FHOD3: variants seen among roughly 807,000 people sequenced by gnomAD.
FHOD3 encodes formin homology 2 domain containing 3, also known as FH1/FH2 domain-containing protein 3.
FHOD3 carries 90 observed loss-of-function variants against 173.0 expected under a neutral mutation model. The observed-to-expected ratio is 0.52, with a 90% CI of 0.44 to 0.62. The LOEUF (loss-of-function observed/expected upper bound fraction) is 0.62, where lower values mean the gene tolerates loss of function less well. Among genes scored for constraint, FHOD3 ranks in the 20% least tolerant of loss-of-function variants. The probability of loss-of-function intolerance (pLI) is 0.00; values close to 1 mark genes in which losing one functional copy is unlikely to be tolerated. For synonymous variants in FHOD3, 828 were observed against 823.0 expected (o/e 1.01, Z -0.10); for missense variants, 1,945 against 2,034.7 (o/e 0.96, Z 0.85).
At chr18:36,730,857 T>A in intron 20 of FHOD3, 53 bp downstream of exon 20, 1 of 1,544,980 alleles carries the variant, frequency 6.5e-7, no homozygotes, top group South Asian at 1.2e-5. Flanking sequence ...ACTGCATGTA[T>A]AATATGCTGC....
chr18:36,486,367 T>C (rs2054191826), intron 3 of FHOD3, among the ~76,000 whole-genome samples: 1 of 152,236 alleles, frequency 6.6e-6, no homozygotes, highest in African/African-American at 2.4e-5. Flanking sequence ...AGGATGTTCT[T>C]GTTTTTGTTT....
intron 3 of FHOD3, among the ~76,000 whole-genome samples, chr18:36,435,446 A>G (rs559447624): frequency 9.2e-5 from 14 of 152,292 alleles, no homozygotes; most frequent in African/African-American, 3.1e-4. Context: ...ACTATTTCAT[A>G]TATCAGCATT....
At chr18:36,761,355 A>T (rs186662157) in intron 27 of FHOD3, among the ~76,000 whole-genome samples, 2 of 152,234 alleles carry the variant, frequency 1.3e-5, no homozygotes, top group East Asian at 3.9e-4. Context: ...ATTAGAAGGG[A>T]TTAAGATGCA....
intron 5 of FHOD3, among the ~76,000 whole-genome samples, chr18:36,573,429 AC>A (rs1250762946): frequency 6.7e-5 from 9 of 133,812 alleles, no homozygotes; most frequent in Non-Finnish European, 1.3e-4. Context: ...GCAGAAGGAG[AC>A]CCTATCTCTA....
At chr18:36,682,307 T>C (rs1457687852) in intron 15 of FHOD3, among the ~76,000 whole-genome samples, 2 of 152,116 alleles carry the variant, frequency 1.3e-5, no homozygotes, top group Non-Finnish European at 2.9e-5. Flanking sequence ...TCCTTACACA[T>C]TACTTCCTTC....
At chr18:36,737,517 G>A (rs931375089) in intron 20 of FHOD3, among the ~76,000 whole-genome samples, 1 of 152,174 alleles carries the variant, frequency 6.6e-6, no homozygotes, top group African/African-American at 2.4e-5. Flanking sequence ...AAGGAACACT[G>A]CCACCACCTA....
rs551662339 is a variant in FHOD3 at position 36,757,308 on chromosome 18, C to A, written c.4426-1810C>A. ...TGGCATCATTCATGTAGAAGGATTG[C>A]CCTCTGCTGGAACATTAGGATATTG... On this transcript the variant is annotated intron_variant, in intron 25 of 28. Transcript: ENST00000590592. Among the ~76,000 whole-genome samples the A allele has an allele frequency of 6.6e-4, 100 of 152,248 alleles. 2 individuals are homozygous for A. In the South Asian group the frequency reaches 0.02, roughly 30 times the overall value.
chr18:36,663,073 A>T (rs1410662221), intron 14 of FHOD3, among the ~76,000 whole-genome samples: 1 of 152,164 alleles, frequency 6.6e-6, no homozygotes, highest in East Asian at 1.9e-4. Flanking sequence ...ATTCAATTTC[A>T]TGAGTAAATC....
chr18:36,311,879 T>C (rs2092266353), intron 1 of FHOD3, among the ~76,000 whole-genome samples: 2 of 152,198 alleles, frequency 1.3e-5, no homozygotes, highest in African/African-American at 4.8e-5. Context: ...TTTTCCACTG[T>C]GTCTTCACCC....
intron 14 of FHOD3, among the ~76,000 whole-genome samples, chr18:36,670,285 G>A (rs2037446189): frequency 6.6e-6 from 1 of 151,950 alleles, no homozygotes; most frequent in African/African-American, 2.4e-5. Context: ...TCATCAAATT[G>A]CGAAAAATCT....
chr18:36,464,536 T>C (rs1568306636), intron 3 of FHOD3, among the ~76,000 whole-genome samples: 1 of 152,120 alleles, frequency 6.6e-6, no homozygotes, highest in Non-Finnish European at 1.5e-5. Flanking sequence ...CAAGGAAACT[T>C]GGGTCAAGAA....
chr18:36,469,365 T>G (rs1451353605), intron 3 of FHOD3, among the ~76,000 whole-genome samples: 1 of 152,154 alleles, frequency 6.6e-6, no homozygotes, highest in African/African-American at 2.4e-5. Flanking sequence ...AGTTTGTAGC[T>G]TTTATCGCCG....
At chr18:36,492,702 G>A (rs2054531941) in intron 3 of FHOD3, among the ~76,000 whole-genome samples, 2 of 152,134 alleles carry the variant, frequency 1.3e-5, no homozygotes, top group African/African-American at 4.8e-5. Flanking sequence ...CAGGTCTCAT[G>A]ACCTTGTCAT....
intron 1 of FHOD3, among the ~76,000 whole-genome samples, chr18:36,317,251 A>G (rs868607929): frequency 6.6e-6 from 1 of 152,160 alleles, no homozygotes. Flanking sequence ...TAATGGGATC[A>G]CTGGGTCAAA....
intron 23 of FHOD3, among the ~76,000 whole-genome samples, chr18:36,746,313 G>A (rs1339325281): frequency 5.9e-5 from 9 of 152,190 alleles, no homozygotes; most frequent in African/African-American, 2.2e-4. Flanking sequence ...GGAATCACCT[G>A]TGGGTACAGT....
chr18:36,555,817 G>T (rs56381452), intron 5 of FHOD3, among the ~76,000 whole-genome samples: 1,929 of 152,184 alleles, frequency 0.013, 41 homozygotes, highest in African/African-American at 0.044. Flanking sequence ...CAATATTCAT[G>T]TCTCTGAAAT....
At chr18:36,559,679 C>T (rs1258967816) in intron 5 of FHOD3, among the ~76,000 whole-genome samples, 1 of 152,100 alleles carries the variant, frequency 6.6e-6, no homozygotes, top group African/African-American at 2.4e-5. Flanking sequence ...ATTATCATAT[C>T]CTGACCTGAG....
chr18:36,711,718 G>A (rs13381854), intron 18 of FHOD3, among the ~76,000 whole-genome samples: 1 of 152,218 alleles, frequency 6.6e-6, no homozygotes, highest in Non-Finnish European at 1.5e-5. Flanking sequence ...GTGGAAAGAA[G>A]AATGCAGACT....
chr18:36,758,206 T>C (rs913957824), intron 25 of FHOD3, among the ~76,000 whole-genome samples: 1 of 152,214 alleles, frequency 6.6e-6, no homozygotes, highest in African/African-American at 2.4e-5. Context: ...GCGTGGAATG[T>C]TACGGACTGG....
Sources: gnomAD v4.1 joint callset for allele counts (sites outside exome capture counted in the v4.1 genomes callset) on GRCh38, gnomAD v4.1.1 for gene constraint, MANE v1.5 for transcripts, NCBI Gene and HGNC (gene_info 2026-07-23, HGNC 2026-07-21) for gene names.